The following NAV2 variants were observed in gnomAD, a reference collection of about 807,000 sequenced individuals.
NAV2 encodes the protein neuron navigator 2, also known as helicase, APC down-regulated 1.
NAV2 carries 54 observed loss-of-function variants against 223.2 expected under a neutral mutation model. That is an observed-to-expected ratio of 0.24 (90% confidence interval 0.19 to 0.30). The LOEUF is 0.30. NAV2 is among the 10% of genes least tolerant of loss of function. The pLI, the probability that NAV2 is intolerant of heterozygous loss-of-function variation, is 1.00. For missense variants in NAV2, 2,806 were observed against 3,147.5 expected (o/e 0.89, Z 2.60); for synonymous variants, 1,279 against 1,239.3 (o/e 1.03, Z -0.67).
At chr11:19,828,976 G>A (rs1309520772) in intron 1 of NAV2, among the ~76,000 whole-genome samples, 1 of 152,226 alleles carries the variant, frequency 6.6e-6, no homozygotes, top group Non-Finnish European at 1.5e-5. Context: ...TAATCGCAGT[G>A]TGTGTGTATG....
chr11:19,755,499 G>A lies in NAV2; in HGVS notation c.267+41537G>A, dbSNP rs1300614251. Among the ~76,000 whole-genome samples the A allele has an allele frequency of 5.1e-5, 4 of 78,354 alleles. No individual in the cohort carries two copies. In the East Asian group the frequency reaches 4.4e-3, roughly 87 times the overall value. The allele number at this position is 78,354 out of a possible 152,430, so 51.4% of individuals were successfully genotyped here. ...ACCAACAGAAATTTATTATCTCACA[G>A]CTCTAGAGGCTGATGAAAGTCCAAA... On this transcript the variant is annotated intron_variant, in intron 1 of 37. Coordinates refer to ENST00000349880, the MANE Select transcript of NAV2 (RefSeq NM_145117.5).
At chr11:19,691,992 G>T (rs1437792184) in intron 1 of NAV2, among the ~76,000 whole-genome samples, 1 of 152,244 alleles carries the variant, frequency 6.6e-6, no homozygotes, top group Non-Finnish European at 1.5e-5. Context: ...CTGGCCAGGT[G>T]GTTTGAAGGG....
chr11:19,541,788 G>A (rs1414971270), intron 1 of NAV2, among the ~76,000 whole-genome samples: 1 of 152,106 alleles, frequency 6.6e-6, no homozygotes, highest in Non-Finnish European at 1.5e-5. Flanking sequence ...GTTCCAATTG[G>A]ACCCTGTGAT....
intron 1 of NAV2, among the ~76,000 whole-genome samples, chr11:19,774,082 C>A (rs1374006413): frequency 6.6e-6 from 1 of 152,248 alleles, no homozygotes; most frequent in African/African-American, 2.4e-5. Flanking sequence ...ATTCCACCTT[C>A]CTGAGATGCT....
chr11:19,682,061 A>G (rs2048893840), intron 1 of NAV2, among the ~76,000 whole-genome samples: 1 of 152,106 alleles, frequency 6.6e-6, no homozygotes, highest in South Asian at 2.1e-4. Context: ...AGGGCTGCCC[A>G]CTACCACCAG....
intron 1 of NAV2, among the ~76,000 whole-genome samples, chr11:19,732,888 G>T (rs1259180956): frequency 6.6e-6 from 1 of 152,220 alleles, no homozygotes; most frequent in African/African-American, 2.4e-5. Flanking sequence ...TCCTTTGCTG[G>T]ATTTGAAGTC....
intron 11 of NAV2, among the ~76,000 whole-genome samples, chr11:20,023,550 G>C (rs538926066): frequency 6.6e-6 from 1 of 152,274 alleles, no homozygotes; most frequent in South Asian, 2.1e-4. Context: ...GCAGTACAGA[G>C]GGGTGAGCCG....
intron 6 of NAV2, among the ~76,000 whole-genome samples, chr11:19,924,828 T>C (rs2044597604): frequency 6.6e-6 from 1 of 152,136 alleles, no homozygotes; most frequent in African/African-American, 2.4e-5. Flanking sequence ...GTGTGGATAA[T>C]AGTTTTTGTT....
chr11:19,467,360 A>G (rs1021861514), intron 1 of NAV2, among the ~76,000 whole-genome samples: 1 of 152,218 alleles, frequency 6.6e-6, no homozygotes, highest in Non-Finnish European at 1.5e-5. Context: ...ATTTTAATGT[A>G]CATCTTTGAA....
intron 1 of NAV2, among the ~76,000 whole-genome samples, chr11:19,450,661 C>T (rs1273012497): frequency 1.3e-5 from 2 of 152,202 alleles, no homozygotes; most frequent in Non-Finnish European, 2.9e-5. Flanking sequence ...AATGTCTGAT[C>T]TCCTGAGTTT....
At position 19,713,664 on chromosome 11, in the gene NAV2, A is replaced by G; in HGVS notation, c.-32A>G. 6.6e-7 allele frequency: 1 copy of G among 1,508,684 alleles called. No individual in the cohort carries two copies. Among genetic ancestry groups the G allele is most frequent in the Non-Finnish European group, 8.9e-7 (1 of 1,127,244 alleles). The allele number at this position is 1,508,684 out of a possible 1,614,324, so 93.5% of individuals were successfully genotyped here. A position where few individuals can be genotyped will look rare whatever the true frequency, so the allele number is the denominator to read the frequency against. On this transcript the variant is annotated 5_prime_UTR_variant, in exon 1 of 38. Coordinates refer to ENST00000349880, the MANE Select transcript of NAV2 (RefSeq NM_145117.5). The surrounding 1 kb of genome is among the most constrained non-coding windows in gnomAD (Gnocchi z 7.2). ...GTCGCCCCCGCCGCCGCTGCCAGGGACGTGCTGGGAAAGCCCAAGCCCCGG... is the reference window on the plus strand; with the variant it reads ...GTCGCCCCCGCCGCCGCTGCCAGGGGCGTGCTGGGAAAGCCCAAGCCCCGG...
intron 1 of NAV2, among the ~76,000 whole-genome samples, chr11:19,521,122 C>T (rs2043640192): frequency 6.6e-6 from 1 of 152,218 alleles, no homozygotes; most frequent in Admixed American, 6.5e-5. Flanking sequence ...GGAACCCAAA[C>T]ACTCCAAGCT....
chr11:19,362,815 A>G (rs1046251807), intron 1 of NAV2, among the ~76,000 whole-genome samples: 3 of 152,226 alleles, frequency 2.0e-5, no homozygotes, highest in Non-Finnish European at 4.4e-5. Context: ...AAACATGTTA[A>G]TAACATTTAG....
intron 10 of NAV2, among the ~76,000 whole-genome samples, chr11:19,959,051 G>T (rs1467363853): frequency 2.0e-5 from 3 of 152,174 alleles, no homozygotes; most frequent in Admixed American, 6.5e-5. Flanking sequence ...GATAAGGATG[G>T]CTCCCCAGCT....
chr11:20,006,832 A>G (rs1258674980), intron 11 of NAV2, among the ~76,000 whole-genome samples: 1 of 152,216 alleles, frequency 6.6e-6, no homozygotes, highest in Non-Finnish European at 1.5e-5. Flanking sequence ...AGCCTGGGCA[A>G]CAGAGCAAGA....
At chr11:19,581,469 G>A (rs1309238702) in intron 1 of NAV2, among the ~76,000 whole-genome samples, 4 of 151,978 alleles carry the variant, frequency 2.6e-5, no homozygotes, top group African/African-American at 4.8e-5. Context: ...TGCTGCACCC[G>A]TTAACTCGTC....
intron 1 of NAV2, among the ~76,000 whole-genome samples, chr11:19,596,774 G>T (rs1440383298): frequency 6.6e-6 from 1 of 152,236 alleles, no homozygotes; most frequent in Non-Finnish European, 1.5e-5. Context: ...ACTTCCGAGA[G>T]CATCTGTAGA....
At position 19,885,570 on chromosome 11, in the gene NAV2, T is replaced by A. The variant is rs148066067; in HGVS notation, c.770+5443T>A. Among the ~76,000 whole-genome samples the A allele has an allele frequency of 2.7e-3, 416 of 152,354 alleles. 3 individuals carry two copies. The highest frequency in any genetic ancestry group is 8.2e-3 in the African/African-American group (341 of 41,568). On this transcript the variant is annotated intron_variant, in intron 5 of 37. Coordinates refer to ENST00000349880, the MANE Select transcript of NAV2 (RefSeq NM_145117.5). Reference sequence around the variant, plus strand: ...TGAATTCCATATTCTTATTGAGTATTGAGTCACCCTATTCTTGGTTCACAG... The same window carrying A: ...TGAATTCCATATTCTTATTGAGTATAGAGTCACCCTATTCTTGGTTCACAG...
At chr11:19,776,393 G>T (rs181469743) in intron 1 of NAV2, among the ~76,000 whole-genome samples, 1 of 152,174 alleles carries the variant, frequency 6.6e-6, no homozygotes, top group Admixed American at 6.5e-5. Flanking sequence ...GCAGGCAGAC[G>T]AGGAAATAAA....
Sources: allele counts gnomAD v4.1 joint callset (sites outside exome capture counted in the v4.1 genomes callset), GRCh38; gene constraint gnomAD v4.1.1; non-coding constraint Gnocchi (gnomAD v3.1); transcripts MANE v1.5; gene names NCBI Gene and HGNC (gene_info 2026-07-23, HGNC 2026-07-21).